EPAS1: variants seen among roughly 807,000 people sequenced by gnomAD.
The protein encoded by EPAS1 is endothelial PAS domain-containing protein 1.
Under a neutral mutation model 87.9 loss-of-function variants are expected in EPAS1, and 23 were observed. The ratio of observed to expected loss-of-function variants is 0.26; its 90% CI spans 0.19 to 0.37. The LOEUF (loss-of-function observed/expected upper bound fraction) is 0.37. Ranked by LOEUF, EPAS1 falls within the 10% of genes least tolerant of loss-of-function variation. The pLI is 1.00. For synonymous variants in EPAS1, 508 were observed against 444.3 expected (o/e 1.14, Z -1.80); for missense variants, 1,138 against 1,120.7 (o/e 1.02, Z -0.22).
chr2:46,380,309 G>A lies in EPAS1; in HGVS notation c.1637G>A (p.Cys546Tyr), dbSNP rs1462178632. ...DGEDFQLSPI[C>Y]PEERLLAENP... ...GAAGACTTCCAGCTAAGCCCCATCT[G>A]CCCCGAGGAGCGGCTCTTGGCGGAG... Residue 546 changes from cysteine to tyrosine, a missense_variant, in exon 12 of 16, where the codon TGC (cysteine) becomes TAC (tyrosine). This residue lies in a region of EPAS1 where 502 missense variants were observed against 427.1 expected (regional missense o/e 1.18). Coordinates refer to ENST00000263734, the MANE Select transcript of EPAS1 (RefSeq NM_001430.5). This position sits in a 1 kb window ranked among gnomAD's most constrained non-coding sequence, Gnocchi z 4.4. 5 of 1,614,086 alleles carry A rather than the reference G, an allele frequency of 3.1e-6. No homozygotes were observed. Among genetic ancestry groups the A allele is most frequent in the Non-Finnish European group, 4.2e-6 (5 of 1,180,006 alleles).
intron 1 of EPAS1, among the ~76,000 whole-genome samples, chr2:46,328,004 T>C (rs922058009): frequency 6.6e-6 from 1 of 152,206 alleles, no homozygotes; most frequent in Admixed American, 6.5e-5. Flanking sequence ...TCCCCAGAAT[T>C]GTCTGAACTT....
intron 1 of EPAS1, among the ~76,000 whole-genome samples, chr2:46,338,168 T>C (rs1683835823): frequency 6.6e-6 from 1 of 152,214 alleles, no homozygotes; most frequent in African/African-American, 2.4e-5. Flanking sequence ...GTTTGAGTGC[T>C]GGCTCCATCA....
intron 1 of EPAS1, among the ~76,000 whole-genome samples, chr2:46,311,225 T>C (rs1287277333): frequency 6.6e-6 from 1 of 152,168 alleles, no homozygotes; most frequent in Non-Finnish European, 1.5e-5. Flanking sequence ...CAATAAATGC[T>C]TGTAAAACTG....
At position 46,375,488 on chromosome 2, in the gene EPAS1, T is replaced by G; in HGVS notation, c.887-202T>G. The G allele has an allele frequency of 1.6e-6, 1 of 641,540 alleles. No individual in the cohort carries two copies. The highest frequency in any genetic ancestry group is 2.7e-6 in the Non-Finnish European group (1 of 366,464). 39.7% of individuals were successfully genotyped at this position (641,540 alleles called of 1,614,324 possible). ...AGTCATTTCACCTCTTCTCACCTCT[T>G]TTTCCTATATTTAAAATGAAGAGTT... On this transcript the variant is annotated intron_variant, in intron 7 of 15. Transcript: ENST00000263734. This position sits in a 1 kb window ranked among gnomAD's most constrained non-coding sequence, Gnocchi z 4.1.
Position 46,380,150 on chromosome 2 carries a change from G to A in EPAS1, c.1555-77G>A. The A allele has an allele frequency of 6.3e-7, 1 of 1,597,612 alleles. No individual in the cohort carries two copies. The highest frequency in any genetic ancestry group is 1.7e-5 in the Admixed American group (1 of 60,020). ...AACAGTGCTTGAGATGAATGGCTCT[G>A]CAGGAGCTGAGTTGGAATAGTGTTT... On this transcript the variant is annotated intron_variant, in intron 11 of 15. Coordinates refer to ENST00000263734, the MANE Select transcript of EPAS1 (RefSeq NM_001430.5). This position sits in a 1 kb window ranked among gnomAD's most constrained non-coding sequence, Gnocchi z 4.4.
rs1684618477 is a variant in EPAS1 at position 46,371,061 on chromosome 2, C to T, written c.886+1128C>T. Among the ~76,000 whole-genome samples the T allele has an allele frequency of 6.6e-6, 1 of 152,106 alleles. No homozygotes were observed. Among genetic ancestry groups the T allele is most frequent in the African/African-American group, 2.4e-5 (1 of 41,394 alleles). On this transcript the variant is annotated intron_variant, in intron 7 of 15. Transcript: ENST00000263734. This position sits in a 1 kb window ranked among gnomAD's most constrained non-coding sequence, Gnocchi z 4.3. The stretch of plus-strand genomic sequence containing the variant: ...TAAATGCACTATATAAACCGATGGG[C>T]AAGACTGTATTTGGAAAAGAATGCT...
rs753502492 is a variant in EPAS1 at position 46,297,956 on chromosome 2, C to G, written c.26+19C>G. The G allele has an allele frequency of 9.3e-6, 15 of 1,611,636 alleles. No homozygotes were observed. Among genetic ancestry groups the G allele is most frequent in the South Asian group, 2.2e-5 (2 of 90,882 alleles). On this transcript the variant is annotated intron_variant, in intron 1 of 15. Transcript: ENST00000263734. The stretch of plus-strand genomic sequence containing the variant: ...AGAAAAGGTAAGCGGGCGTCCGGGC[C>G]GATCAGGGGGCCGGTCCGAGGCCAG...
At position 46,384,839 on chromosome 2, in the gene EPAS1, A is replaced by T. The variant is rs112311474; in HGVS notation, c.*179A>T. On this transcript the variant is annotated 3_prime_UTR_variant, in exon 16 of 16. Coordinates refer to ENST00000263734, the MANE Select transcript of EPAS1 (RefSeq NM_001430.5). Reference sequence around the variant, plus strand: ...CTTTTTCTGAGATGCTCACTTTATTATCCCTATTTTTAAAGTACACAATTG... The same window carrying T: ...CTTTTTCTGAGATGCTCACTTTATTTTCCCTATTTTTAAAGTACACAATTG... 345 of 711,302 alleles carry T rather than the reference A, an allele frequency of 4.9e-4. No individual in the cohort carries two copies. In the African/African-American group the frequency reaches 5.4e-3, roughly 11 times the overall value. 44.1% of individuals were successfully genotyped at this position (711,302 alleles called of 1,614,324 possible). A position where few individuals can be genotyped will look rare whatever the true frequency, so the allele number is the denominator to read the frequency against.
Position 46,301,716 on chromosome 2 carries a change from C to G in EPAS1, c.26+3779C>G, listed in dbSNP as rs189229403. ...GATGATTTCCGAAGGAGTGCCTTCC[C>G]CATCACAACTCTCAAACCGCTGAAC... On this transcript the variant is annotated intron_variant, in intron 1 of 15. Transcript: ENST00000263734. Among the ~76,000 whole-genome samples, 6 of 151,942 alleles carry G rather than the reference C, an allele frequency of 3.9e-5. No individual in the cohort carries two copies. The East Asian group carries it at 5.8e-4, about 15-fold the overall frequency.
chr2:46,384,246 C>T (rs1684960761), intron 15 of EPAS1, among the ~76,000 whole-genome samples: 1 of 152,204 alleles, frequency 6.6e-6, no homozygotes, highest in African/African-American at 2.4e-5. Context: ...CAACCCCAGG[C>T]TCTTCCTGAA....
intron 1 of EPAS1, among the ~76,000 whole-genome samples, chr2:46,306,064 A>T (rs1683104441): frequency 6.6e-6 from 1 of 152,220 alleles, no homozygotes; most frequent in Admixed American, 6.5e-5. Context: ...ACATGAGCTG[A>T]ATCTGAGAAA....
intron 1 of EPAS1, among the ~76,000 whole-genome samples, chr2:46,332,836 C>A (rs535747627): frequency 6.6e-6 from 1 of 152,094 alleles, no homozygotes; most frequent in Non-Finnish European, 1.5e-5. Context: ...CTCTGGGCCA[C>A]GGGTGTTGGG....
chr2:46,371,273 C>T lies in EPAS1; in HGVS notation c.886+1340C>T, dbSNP rs1218980517. On this transcript the variant is annotated intron_variant, in intron 7 of 15. Transcript: ENST00000263734. The surrounding 1 kb of genome is among the most constrained non-coding windows in gnomAD (Gnocchi z 4.3). ...ACCCCAAGGCTAAGACAGCCAAGTTCAGTGCAGCCAGCAGAGTCACAACCC... is the reference window on the plus strand; with the variant it reads ...ACCCCAAGGCTAAGACAGCCAAGTTTAGTGCAGCCAGCAGAGTCACAACCC... Among the ~76,000 whole-genome samples, 1 of 152,188 alleles carries T rather than the reference C, an allele frequency of 6.6e-6. No individual in the cohort carries two copies. The highest frequency in any genetic ancestry group is 1.5e-5 in the Non-Finnish European group (1 of 68,034).
intron 1 of EPAS1, among the ~76,000 whole-genome samples, chr2:46,335,477 C>G (rs949147990): frequency 6.7e-6 from 1 of 149,740 alleles, no homozygotes; most frequent in East Asian, 2.0e-4. Context: ...TGTATATACC[C>G]AGTGCTGGCC....
chr2:46,379,752 G>T, intron 11 of EPAS1: 1 of 213,890 alleles, frequency 4.7e-6, no homozygotes, highest in South Asian at 8.6e-5. Flanking sequence ...TACTCTGCGA[G>T]AGTCCACAGA....
At chr2:46,328,398 T>C (rs1683607147) in intron 1 of EPAS1, among the ~76,000 whole-genome samples, 2 of 152,180 alleles carry the variant, frequency 1.3e-5, no homozygotes, top group African/African-American at 4.8e-5. Flanking sequence ...TTAGATCTGG[T>C]GCTTTATTCT....
At position 46,346,848 on chromosome 2, in the gene EPAS1, G is replaced by A; in HGVS notation, c.27-25G>A. 2.5e-6 allele frequency: 4 copies of A among 1,613,804 alleles called. No individual in the cohort carries two copies. The highest frequency in any genetic ancestry group is 3.4e-6 in the Non-Finnish European group (4 of 1,179,810). On this transcript the variant is annotated intron_variant, in intron 1 of 15. Transcript: ENST00000263734. The surrounding 1 kb of genome is among the most constrained non-coding windows in gnomAD (Gnocchi z 4.0). ...GATAGGCTGACAGTAACCTTTCCGGGACTAACCCCTTCTTCTCCACTTAGG... is the reference window on the plus strand; with the variant it reads ...GATAGGCTGACAGTAACCTTTCCGGAACTAACCCCTTCTTCTCCACTTAGG...
Position 46,377,300 on chromosome 2 carries a change from G to A in EPAS1, c.1249+547G>A, listed in dbSNP as rs78915164. Among the ~76,000 whole-genome samples the A allele has an allele frequency of 2.8e-3, 430 of 152,312 alleles. 1 individual carries two copies. Among genetic ancestry groups the A allele is most frequent in the African/African-American group, 9.7e-3 (404 of 41,564 alleles). ...GGGGATGTAAGTCACTGGGGACCCC[G>A]GCAGGGTTTTCAGCCCTCGGCTGCT... On this transcript the variant is annotated intron_variant, in intron 9 of 15. Transcript: ENST00000263734.
At chr2:46,365,535 A>G (rs1324749647) in intron 6 of EPAS1, among the ~76,000 whole-genome samples, 5 of 152,260 alleles carry the variant, frequency 3.3e-5, no homozygotes, top group South Asian at 2.1e-4. Flanking sequence ...ATAAAGAGCC[A>G]TAAGTGGTAA....
Sources: allele counts gnomAD v4.1 joint callset (sites outside exome capture counted in the v4.1 genomes callset), GRCh38; gene constraint gnomAD v4.1.1; regional missense constraint gnomAD v4.1.1; non-coding constraint Gnocchi (gnomAD v3.1); transcripts MANE v1.5; gene names NCBI Gene and HGNC (gene_info 2026-07-23, HGNC 2026-07-21).